ZNF385B: variants seen among roughly 807,000 people sequenced by gnomAD.
The protein encoded by ZNF385B is zinc finger protein 385B.
Under a neutral mutation model 39.2 loss-of-function variants are expected in ZNF385B, and 23 were observed. That is an observed-to-expected ratio of 0.59 (90% CI 0.42 to 0.83). The LOEUF is 0.83. ZNF385B is among the 40% of genes least tolerant of loss of function. ZNF385B has a pLI of 0.00. For synonymous variants in ZNF385B, 205 were observed against 222.6 expected, an observed-to-expected ratio of 0.92 and a Z score of 0.70; for missense variants, 552 against 598.9, an observed-to-expected ratio of 0.92 and a Z score of 0.82.
intron 1 of ZNF385B, among the ~76,000 whole-genome samples, chr2:179,774,442 C>A (rs957469547): frequency 1.3e-5 from 2 of 151,854 alleles, no homozygotes; most frequent in Non-Finnish European, 2.9e-5. Context: ...CTCATTGCAA[C>A]CTCTGCCTCC....
At chr2:179,513,426 A>G (rs1574537371) in intron 5 of ZNF385B, among the ~76,000 whole-genome samples, 1 of 152,196 alleles carries the variant, frequency 6.6e-6, no homozygotes, top group East Asian at 1.9e-4. Context: ...GAGCTATAGC[A>G]AGGAGGCTGC....
chr2:179,598,995 C>T, intron 3 of ZNF385B, among the ~76,000 whole-genome samples: 1 of 152,174 alleles, frequency 6.6e-6, no homozygotes, highest in South Asian at 2.1e-4. Context: ...AGAATGATCC[C>T]TAATTAAAGA....
intron 3 of ZNF385B, among the ~76,000 whole-genome samples, chr2:179,625,604 A>G (rs1350906736): frequency 1.3e-5 from 2 of 152,112 alleles, no homozygotes; most frequent in Non-Finnish European, 2.9e-5. Flanking sequence ...GTTAGTAAGT[A>G]TATACTACTG....
At chr2:179,825,204 T>C (rs371560709) in intron 1 of ZNF385B, among the ~76,000 whole-genome samples, 1 of 152,186 alleles carries the variant, frequency 6.6e-6, no homozygotes, top group African/African-American at 2.4e-5. Flanking sequence ...TGTATTACAA[T>C]ACAATCAGAT....
At chr2:179,508,934 C>T (rs979730809) in intron 5 of ZNF385B, among the ~76,000 whole-genome samples, 81 of 150,754 alleles carry the variant, frequency 5.4e-4, no homozygotes, top group South Asian at 2.1e-4. Context: ...AACATTTATG[C>T]GTCATCATAA....
At chr2:179,499,524 C>G (rs978549554) in intron 5 of ZNF385B, among the ~76,000 whole-genome samples, 2 of 151,874 alleles carry the variant, frequency 1.3e-5, no homozygotes, top group East Asian at 3.9e-4. Flanking sequence ...ATCATATCAA[C>G]AAGATGAAGG....
At chr2:179,559,050 T>C (rs994853160) in intron 3 of ZNF385B, among the ~76,000 whole-genome samples, 2 of 152,342 alleles carry the variant, frequency 1.3e-5, no homozygotes, top group East Asian at 3.9e-4. Context: ...TTTTGCAAAG[T>C]GGATTAGAAT....
At chr2:179,560,146 C>T (rs1255258706) in intron 3 of ZNF385B, among the ~76,000 whole-genome samples, 1 of 152,046 alleles carries the variant, frequency 6.6e-6, no homozygotes. Flanking sequence ...CATTTTGGCT[C>T]CCCAAATAAT....
chr2:179,676,233 C>T (rs1183242207), intron 3 of ZNF385B, among the ~76,000 whole-genome samples: 3 of 152,046 alleles, frequency 2.0e-5, no homozygotes, highest in Non-Finnish European at 4.4e-5. Context: ...GGACTACAGG[C>T]GCCCACCAAC....
At chr2:179,488,135 CTTAT>C (rs1257605725) in intron 5 of ZNF385B, among the ~76,000 whole-genome samples, 1 of 152,006 alleles carries the variant, frequency 6.6e-6, no homozygotes, top group Admixed American at 6.6e-5. Flanking sequence ...TTTTACCTTA[CTTAT>C]TTCTTTTCTT....
At chr2:179,790,217 G>A (rs1705244841) in intron 1 of ZNF385B, among the ~76,000 whole-genome samples, 1 of 152,086 alleles carries the variant, frequency 6.6e-6, no homozygotes, top group Non-Finnish European at 1.5e-5. Context: ...TATTTGCTTT[G>A]GAAGATTTCT....
At position 179,483,380 on chromosome 2, in the gene ZNF385B, G is replaced by C. The variant is rs1484941874; in HGVS notation, c.607C>G (p.Leu203Val). The C allele has an allele frequency of 6.2e-7, 1 of 1,613,924 alleles. No homozygotes were observed. The highest frequency in any genetic ancestry group is 1.3e-5 in the African/African-American group (1 of 74,906). Reference protein sequence around the residue: ...GSKHAKKVKALDATKNKPKMV... With the variant: ...GSKHAKKVKAVDATKNKPKMV... ...TTGGGTTTATTTTTCGTTGCGTCTA[G>C]TGCTTTGACCTTCTTGGCATGTTTA... The change falls in exon 6 of 10, where the codon CTA becomes GTA. Residue 203 changes from leucine to valine, a missense_variant. Physicochemically the swap from Leu to Val is conservative, Grantham distance 32. Transcript: ENST00000410066.
intron 3 of ZNF385B, among the ~76,000 whole-genome samples, chr2:179,664,001 T>G (rs1694832229): frequency 6.6e-6 from 1 of 151,952 alleles, no homozygotes; most frequent in Non-Finnish European, 1.5e-5. Flanking sequence ...CTGTAATGAT[T>G]TCCAGAGAAT....
intron 1 of ZNF385B, among the ~76,000 whole-genome samples, chr2:179,852,049 G>C (rs1015411754): frequency 6.6e-6 from 1 of 152,180 alleles, no homozygotes; most frequent in African/African-American, 2.4e-5. Flanking sequence ...AGTGAGGCAA[G>C]AAAGACTTCA....
intron 3 of ZNF385B, among the ~76,000 whole-genome samples, chr2:179,742,881 C>A (rs1221580005): frequency 2.0e-5 from 3 of 151,930 alleles, no homozygotes; most frequent in East Asian, 3.9e-4. Context: ...AGATGCTATA[C>A]CTTAATACAA....
chr2:179,619,504 G>T (rs1690035355), intron 3 of ZNF385B, among the ~76,000 whole-genome samples: 2 of 152,122 alleles, frequency 1.3e-5, no homozygotes, highest in African/African-American at 4.8e-5. Flanking sequence ...CTTATGTGAG[G>T]ATCTCAAAGC....
At chr2:179,825,488 T>C (rs1707630134) in intron 1 of ZNF385B, among the ~76,000 whole-genome samples, 1 of 151,746 alleles carries the variant, frequency 6.6e-6, no homozygotes, top group Non-Finnish European at 1.5e-5. Flanking sequence ...ACAATTCTTC[T>C]CCTTCTAAAG....
chr2:179,823,871 T>G (rs1162045615), intron 1 of ZNF385B, among the ~76,000 whole-genome samples: 2 of 152,188 alleles, frequency 1.3e-5, no homozygotes, highest in African/African-American at 4.8e-5. Flanking sequence ...TTTTTAAGTC[T>G]TGTTTCAGTT....
At chr2:179,450,930 A>G (rs1393129803) in intron 6 of ZNF385B, among the ~76,000 whole-genome samples, 3 of 152,016 alleles carry the variant, frequency 2.0e-5, no homozygotes, top group Non-Finnish European at 4.4e-5. Flanking sequence ...ATAAAAAGTG[A>G]TGAGTTCATG....
Sources: gnomAD v4.1 joint callset for allele counts (sites outside exome capture counted in the v4.1 genomes callset) on GRCh38, gnomAD v4.1.1 for gene constraint, MANE v1.5 for transcripts, NCBI Gene and HGNC (gene_info 2026-07-23, HGNC 2026-07-21) for gene names.